NTSR1: variants seen among roughly 807,000 people sequenced by gnomAD.
NTSR1 encodes neurotensin receptor type 1.
A neutral mutation model predicts 31.2 loss-of-function variants in NTSR1; 29 were observed. The observed-to-expected ratio is 0.93, with a 90% CI of 0.69 to 1.27. The LOEUF (loss-of-function observed/expected upper bound fraction) is 1.27. NTSR1 is among the 50% of genes most tolerant of loss of function. NTSR1 has a pLI of 0.00. For synonymous variants in NTSR1, 282 were observed against 269.9 expected (o/e 1.04, Z -0.44); for missense variants, 697 against 595.4 (o/e 1.17, Z -1.78).
intron 3 of NTSR1, 74 bp from the exon 4 acceptor site, chr20:62,759,944 G>A (rs1989584844): frequency 6.7e-7 from 1 of 1,492,284 alleles, no homozygotes. Context: ...CAGCCGCTGT[G>A]GCCCCGGCTG....
intron 1 of NTSR1, among the ~76,000 whole-genome samples, chr20:62,734,238 G>T (rs140204512): frequency 0.011 from 1,725 of 152,008 alleles, 37 homozygotes; most frequent in African/African-American, 0.039. Context: ...GCGGGCGGAG[G>T]CAGCGAGGTC....
chr20:62,718,300 C>T (rs1296551200), intron 1 of NTSR1, among the ~76,000 whole-genome samples: 1 of 152,020 alleles, frequency 6.6e-6, no homozygotes, highest in Non-Finnish European at 1.5e-5. Flanking sequence ...GGTTGGGAAG[C>T]TGCTGCTGGA....
rs1348258768 is a variant in NTSR1, at chr20:62,733,369, C to A, written c.715-21316C>A. Among the ~76,000 whole-genome samples, 2 of 152,148 alleles carry A rather than the reference C, an allele frequency of 1.3e-5. No individual in the cohort carries two copies. The highest frequency in any genetic ancestry group is 2.9e-5 in the Non-Finnish European group (2 of 68,032). Reference sequence around the variant, plus strand: ...TGAAGCACTTGGTTGAAGCTTGCTGCGCTCCTTTCCGGGAGCAAATGAGCA... The same window carrying A: ...TGAAGCACTTGGTTGAAGCTTGCTGAGCTCCTTTCCGGGAGCAAATGAGCA... On this transcript the variant is annotated intron_variant, in intron 1 of 3. Transcript: ENST00000370501. This position sits in a 1 kb window ranked among gnomAD's most constrained non-coding sequence, Gnocchi z 5.2.
In NTSR1 at chr20:62,709,392, C is replaced by A; in HGVS notation, c.185C>A (p.Ser62Tyr). The change falls in exon 1 of 4, where the codon TCC becomes TAC. Residue 62 changes from serine (S) to tyrosine (Y), a missense_variant. Physicochemically the swap from Ser to Tyr is moderately radical, Grantham distance 144. Transcript: ENST00000370501. ...CTGGACGTGAACACCGACATCTACT[C>A]CAAGGTGCTGGTGACCGCCGTGTAC... Reference protein sequence around the residue: ...SELDVNTDIYSKVLVTAVYLA... With the variant: ...SELDVNTDIYYKVLVTAVYLA... 6.2e-7 allele frequency: 1 copy of A among 1,609,290 alleles called. No homozygotes were observed. Among genetic ancestry groups the A allele is most frequent in the Non-Finnish European group, 8.5e-7 (1 of 1,177,284 alleles).
chr20:62,710,637 TAAGGGCCCTCC>T (rs1988590525), intron 1 of NTSR1, among the ~76,000 whole-genome samples: 1 of 152,024 alleles, frequency 6.6e-6, no homozygotes, highest in African/African-American at 2.4e-5. Flanking sequence ...GCCGAGTGAC[TAAGGGCCCTCC>T]AAGGGTCTGA....
rs542148083 is a variant in NTSR1, at chr20:62,732,774, G to A, written c.715-21911G>A. Reference sequence around the variant, plus strand: ...TCTATTTCCTGGAAGAGACTGTAGAGAGTATCTATCATCTGTTCCTTAAAT... The same window carrying A: ...TCTATTTCCTGGAAGAGACTGTAGAAAGTATCTATCATCTGTTCCTTAAAT... On this transcript the variant is annotated intron_variant, in intron 1 of 3. Coordinates refer to ENST00000370501, the MANE Select transcript of NTSR1 (RefSeq NM_002531.3). This position sits in a 1 kb window ranked among gnomAD's most constrained non-coding sequence, Gnocchi z 4.0. 6.6e-6 allele frequency: 1 copy of A among 152,302 alleles called. No individual in the cohort carries two copies. The allele number at this position is 152,302 out of a possible 1,614,324, so 9.4% of individuals were successfully genotyped here.
At position 62,715,464 on chromosome 20, in the gene NTSR1, C is replaced by T. The variant is rs1162261288; in HGVS notation, c.714+5543C>T. On this transcript the variant is annotated intron_variant, in intron 1 of 3. Coordinates refer to ENST00000370501, the MANE Select transcript of NTSR1 (RefSeq NM_002531.3). This position sits in a 1 kb window ranked among gnomAD's most constrained non-coding sequence, Gnocchi z 4.7. ...CCTAGCCTGACCCTGTGGTGCTCCCCGTGGGGACAACGGTCAGGCTTTTGA... is the reference window on the plus strand; with the variant it reads ...CCTAGCCTGACCCTGTGGTGCTCCCTGTGGGGACAACGGTCAGGCTTTTGA... Among the ~76,000 whole-genome samples the T allele has an allele frequency of 2.6e-5, 4 of 152,180 alleles. No homozygotes were observed. Among genetic ancestry groups the T allele is most frequent in the Non-Finnish European group, 5.9e-5 (4 of 68,026 alleles).
In NTSR1 at chr20:62,758,464, G is replaced by C; in HGVS notation, c.1007+108G>C. On this transcript the variant is annotated intron_variant, in intron 3 of 3. Transcript: ENST00000370501. This position sits in a 1 kb window ranked among gnomAD's most constrained non-coding sequence, Gnocchi z 4.5. ...GGGGATCCACTCAGGGCAGGGGTGT[G>C]GTGAGTCCCCCGGCGACCCCCTGGG... 9.9e-7 allele frequency: 1 copy of C among 1,013,648 alleles called. No homozygotes were observed. Among genetic ancestry groups the C allele is most frequent in the East Asian group, 2.5e-5 (1 of 39,488 alleles). The allele number at this position is 1,013,648 out of a possible 1,614,324, so 62.8% of individuals were successfully genotyped here.
In NTSR1 at chr20:62,709,423, G is replaced by C. The variant is rs749314736; in HGVS notation, c.216G>C (p.Ala72=). Residue 72 remains alanine, a synonymous_variant, in exon 1 of 4, where the codon GCG becomes GCC. Coordinates refer to ENST00000370501, the MANE Select transcript of NTSR1 (RefSeq NM_002531.3). ...SKVLVTAVYL[A]LFVVGTVGNT... is the part of the protein sequence containing the mutation. ...TGCTGGTGACCGCCGTGTACCTGGC[G>C]CTCTTCGTGGTGGGCACGGTGGGCA... 5.0e-6 allele frequency: 8 copies of C among 1,611,912 alleles called. No individual in the cohort carries two copies.
intron 1 of NTSR1, among the ~76,000 whole-genome samples, chr20:62,724,440 C>A (rs55758851): frequency 0.91 from 138,535 of 152,042 alleles, 63,307 homozygotes; most frequent in East Asian, 1. Context: ...AGACAAGGTG[C>A]AGGGCACCCA....
intron 1 of NTSR1, among the ~76,000 whole-genome samples, chr20:62,752,691 G>A (rs856934): frequency 0.78 from 118,011 of 152,070 alleles, 47,459 homozygotes; most frequent in East Asian, 0.92. Flanking sequence ...AATCTGTGTT[G>A]GATACATTGG....
rs986941794 is a variant in NTSR1, at chr20:62,744,722, A to G, written c.715-9963A>G. Among the ~76,000 whole-genome samples, 3 of 152,006 alleles carry G rather than the reference A, an allele frequency of 2.0e-5. No individual in the cohort carries two copies. On this transcript the variant is annotated intron_variant, in intron 1 of 3. Coordinates refer to ENST00000370501, the MANE Select transcript of NTSR1 (RefSeq NM_002531.3). This position sits in a 1 kb window ranked among gnomAD's most constrained non-coding sequence, Gnocchi z 4.1. ...AGCCTGGGCAACAAGAGCAAAGCTCAGTCTCACAAAAAAAAAAGAGAGAAA... is the reference window on the plus strand; with the variant it reads ...AGCCTGGGCAACAAGAGCAAAGCTCGGTCTCACAAAAAAAAAAGAGAGAAA...
chr20:62,730,897 A>G (rs376740924), intron 1 of NTSR1, among the ~76,000 whole-genome samples: 20 of 152,266 alleles, frequency 1.3e-4, no homozygotes, highest in African/African-American at 4.1e-4. Flanking sequence ...TGAGGTGTCT[A>G]TTCAGATGTT....
intron 1 of NTSR1, among the ~76,000 whole-genome samples, chr20:62,712,660 C>G (rs1201527368): frequency 2.0e-5 from 3 of 152,198 alleles, no homozygotes; most frequent in East Asian, 3.9e-4. Context: ...AGCAGGGTGA[C>G]TGGGAGGAGG....
In NTSR1 at chr20:62,758,460, G is replaced by T. The variant is rs1989554496; in HGVS notation, c.1007+104G>T. The T allele has an allele frequency of 3.8e-6, 4 of 1,043,774 alleles. No individual in the cohort carries two copies. The highest frequency in any genetic ancestry group is 1.6e-5 in the African/African-American group (1 of 64,286). The allele number at this position is 1,043,774 out of a possible 1,614,324, so 64.7% of individuals were successfully genotyped here. On this transcript the variant is annotated intron_variant, in intron 3 of 3. Transcript: ENST00000370501. This position sits in a 1 kb window ranked among gnomAD's most constrained non-coding sequence, Gnocchi z 4.5. The stretch of plus-strand genomic sequence containing the variant: ...CTGAGGGGATCCACTCAGGGCAGGG[G>T]TGTGGTGAGTCCCCCGGCGACCCCC...
intron 1 of NTSR1, among the ~76,000 whole-genome samples, chr20:62,710,210 G>A (rs962565613): frequency 3.9e-5 from 6 of 152,190 alleles, no homozygotes; most frequent in African/African-American, 7.2e-5. Context: ...AAACATGTGC[G>A]CTGGCACCTG....
intron 1 of NTSR1, among the ~76,000 whole-genome samples, chr20:62,750,100 G>A (rs1374814455): frequency 6.6e-6 from 1 of 152,246 alleles, no homozygotes; most frequent in African/African-American, 2.4e-5. Flanking sequence ...CAGATACACA[G>A]CAGAGTGCTG....
In NTSR1 at chr20:62,714,673, G is replaced by A. The variant is rs1568695553; in HGVS notation, c.714+4752G>A. ...CAGGGACAGAGGAACAGGGACAAAT[G>A]TACCATTAGGATGCAGCCAGCAAAA... On this transcript the variant is annotated intron_variant, in intron 1 of 3. Coordinates refer to ENST00000370501, the MANE Select transcript of NTSR1 (RefSeq NM_002531.3). The surrounding 1 kb of genome is among the most constrained non-coding windows in gnomAD (Gnocchi z 4.1). 6.6e-6 allele frequency among the ~76,000 whole-genome samples: 1 copy of A among 152,228 alleles called. No individual in the cohort carries two copies. The highest frequency in any genetic ancestry group is 1.5e-5 in the Non-Finnish European group (1 of 68,048).
chr20:62,761,266 T>C lies in NTSR1; in HGVS notation c.*999T>C, dbSNP rs1297313748. 1.3e-5 allele frequency: 2 copies of C among 152,308 alleles called. No homozygotes were observed. The highest frequency in any genetic ancestry group is 2.4e-5 in the African/African-American group (1 of 41,434). 9.4% of individuals were successfully genotyped at this position (152,308 alleles called of 1,614,324 possible). On this transcript the variant is annotated 3_prime_UTR_variant, in exon 4 of 4. Transcript: ENST00000370501. ...GAAGGGGAATGTGGGACAGGGGCGATGGTGCCTGGTCTCTGAGTAAGATGC... is the reference window on the plus strand; with the variant it reads ...GAAGGGGAATGTGGGACAGGGGCGACGGTGCCTGGTCTCTGAGTAAGATGC...
Sources: gnomAD v4.1 joint callset for allele counts (sites outside exome capture counted in the v4.1 genomes callset) on GRCh38, gnomAD v4.1.1 for gene constraint, Gnocchi (gnomAD v3.1) non-coding constraint, MANE v1.5 for transcripts, NCBI Gene and HGNC (gene_info 2026-07-23, HGNC 2026-07-21) for gene names.